The following DCBLD1 variants were observed in gnomAD, a reference collection of about 807,000 sequenced individuals.
DCBLD1 encodes discoidin, CUB and LCCL domain containing 1.
A neutral mutation model predicts 71.5 loss-of-function variants in DCBLD1; 57 were observed. That is an observed-to-expected ratio of 0.80 (90% CI 0.64 to 0.99). DCBLD1 has a LOEUF of 0.99. Among genes scored for constraint, DCBLD1 ranks in the 50% least tolerant of loss-of-function variants. The probability of loss-of-function intolerance (pLI) is 0.00; values close to 1 mark genes in which losing one functional copy is unlikely to be tolerated. For synonymous variants in DCBLD1, 380 were observed against 363.8 expected (o/e 1.04, Z -0.51); for missense variants, 891 against 923.5 (o/e 0.96, Z 0.46).
At chr6:117,523,445 T>C (rs2114498071) in intron 4 of DCBLD1, among the ~76,000 whole-genome samples, 1 of 152,348 alleles carries the variant, frequency 6.6e-6, no homozygotes, top group East Asian at 1.9e-4. Context: ...TTAATATGAT[T>C]ATTAAGGCAT....
chr6:117,537,270 C>A (rs375834829), intron 7 of DCBLD1, 45 bp downstream of exon 7: 1 of 1,592,758 alleles, frequency 6.3e-7, no homozygotes, highest in African/African-American at 1.3e-5. Flanking sequence ...TTCGGTGGCT[C>A]ACGCCTATAA....
At chr6:117,492,441 G>A (rs1289005012) in intron 1 of DCBLD1, among the ~76,000 whole-genome samples, 8 of 152,130 alleles carry the variant, frequency 5.3e-5, no homozygotes, top group Admixed American at 5.2e-4. Flanking sequence ...CCTGCCCTTT[G>A]TCTCCAAGGA....
At chr6:117,536,282 T>A (rs1778878953) in intron 6 of DCBLD1, among the ~76,000 whole-genome samples, 1 of 152,248 alleles carries the variant, frequency 6.6e-6, no homozygotes, top group Admixed American at 6.5e-5. Flanking sequence ...ATCTACCTTT[T>A]GGTGTTTACC....
chr6:117,544,525 T>C lies in DCBLD1; in HGVS notation c.1446-3T>C. 1 of 1,613,596 alleles carries C rather than the reference T, an allele frequency of 6.2e-7. No individual in the cohort carries two copies. Among genetic ancestry groups the C allele is most frequent in the Non-Finnish European group, 8.5e-7 (1 of 1,179,900 alleles). On this transcript the variant is annotated splice_region_variant and splice_polypyrimidine_tract_variant and intron_variant, in intron 12 of 14. Transcript: ENST00000338728. ...TATTCAGTAGGACTTTTTGTCTTGA[T>C]AGGAAGAAGAAGAAAGGAAGTCCGT...
At chr6:117,563,410 A>C (rs1257315316) in intron 14 of DCBLD1, 1 of 1,610,464 alleles carries the variant, frequency 6.2e-7, no homozygotes, top group Non-Finnish European at 8.5e-7. Flanking sequence ...AAAAAAAAGC[A>C]GACACTTTCT....
At chr6:117,560,209 A>C in intron 14 of DCBLD1, 1 of 165,198 alleles carries the variant, frequency 6.1e-6, no homozygotes, top group Non-Finnish European at 1.3e-5. Flanking sequence ...CTTTGCACAG[A>C]CTTTATGACA....
At chr6:117,498,921 A>G (rs2114404430) in intron 1 of DCBLD1, among the ~76,000 whole-genome samples, 1 of 152,260 alleles carries the variant, frequency 6.6e-6, no homozygotes, top group East Asian at 1.9e-4. Flanking sequence ...AAAAGATTTT[A>G]TAAGGTTGGT....
At chr6:117,546,658 T>C (rs763036213) in intron 14 of DCBLD1, among the ~76,000 whole-genome samples, 2 of 152,124 alleles carry the variant, frequency 1.3e-5, no homozygotes, top group Non-Finnish European at 2.9e-5. Context: ...CTCAGGCTCC[T>C]TAAATGTGCA....
intron 4 of DCBLD1, 78 bp from the exon 5 acceptor site, chr6:117,525,284 T>G (rs1243840369): frequency 2.6e-6 from 3 of 1,148,442 alleles, no homozygotes; most frequent in Non-Finnish European, 3.4e-6. Context: ...AGAAAATACT[T>G]TAAAAATTTA....
intron 14 of DCBLD1, chr6:117,562,554 T>C (rs1195165733): frequency 9.8e-6 from 2 of 203,248 alleles, no homozygotes; most frequent in East Asian, 1.5e-4. Context: ...CTCATCTGCA[T>C]TTCTTTTAAA....
At chr6:117,569,519 T>C (rs1448145176) in intron 14 of DCBLD1, 7 of 1,596,352 alleles carry the variant, frequency 4.4e-6, no homozygotes, top group African/African-American at 2.7e-5. Context: ...CAGTGTTCAA[T>C]AGATTCATAA....
At chr6:117,540,860 T>C in intron 10 of DCBLD1, 45 bp downstream of exon 10, 1 of 1,611,124 alleles carries the variant, frequency 6.2e-7, no homozygotes, top group South Asian at 1.1e-5. Context: ...TTTGGTCATA[T>C]TTTTTTTCGC....
At position 117,548,576 on chromosome 6, in the gene DCBLD1, A is replaced by T; in HGVS notation, c.*137A>T. The stretch of plus-strand genomic sequence containing the variant: ...CTTGCATGTGTGTGTGTGATCCAGT[A>T]GGATCCTAGAGACAACCTGTCATAC... On this transcript the variant is annotated 3_prime_UTR_variant, in exon 15 of 15. Transcript: ENST00000338728. 2.7e-6 allele frequency: 4 copies of T among 1,458,042 alleles called. No homozygotes were observed. Among genetic ancestry groups the T allele is most frequent in the Non-Finnish European group, 3.6e-6 (4 of 1,110,322 alleles). 90.3% of individuals were successfully genotyped at this position (1,458,042 alleles called of 1,614,324 possible). A position where few individuals can be genotyped will look rare whatever the true frequency, so the allele number is the denominator to read the frequency against.
rs532948543 is a variant in DCBLD1, at chr6:117,500,802, G to A, written c.113-2965G>A. Among the ~76,000 whole-genome samples, 20 of 152,308 alleles carry A rather than the reference G, an allele frequency of 1.3e-4. No individual in the cohort carries two copies. In the East Asian group the frequency reaches 3.9e-3, roughly 29 times the overall value. On this transcript the variant is annotated intron_variant, in intron 1 of 14. Transcript: ENST00000338728. ...CGCTTGAACCCAGGAGGCAGAGGCT[G>A]CAGTAAGCCAAGATCCTGCCACTGC...
intron 6 of DCBLD1, among the ~76,000 whole-genome samples, chr6:117,536,782 C>T (rs933488979): frequency 5.9e-5 from 9 of 152,206 alleles, no homozygotes; most frequent in African/African-American, 2.2e-4. Context: ...AGGGAGATTT[C>T]AGGGCAGTAA....
At position 117,504,455 on chromosome 6, in the gene DCBLD1, A is replaced by C. The variant is rs79908488; in HGVS notation, c.325+476A>C. Reference sequence around the variant, plus strand: ...TGAGAGATGGTGAGAAAGAAAAGGAATAATGAAAACGAAGGCATCCAAAGG... The same window carrying C: ...TGAGAGATGGTGAGAAAGAAAAGGACTAATGAAAACGAAGGCATCCAAAGG... On this transcript the variant is annotated intron_variant, in intron 2 of 14. Coordinates refer to ENST00000338728, the MANE Select transcript of DCBLD1 (RefSeq NM_001366458.2). Among the ~76,000 whole-genome samples, 618 of 152,324 alleles carry C rather than the reference A, an allele frequency of 4.1e-3. 12 individuals carry two copies. The East Asian group carries it at 0.045, about 11-fold the overall frequency.
intron 3 of DCBLD1, 48 bp from the exon 4 acceptor site, chr6:117,521,477 C>A: frequency 6.9e-7 from 1 of 1,447,424 alleles, no homozygotes; most frequent in Non-Finnish European, 9.5e-7. Context: ...CATGAGTGTC[C>A]TAGTTTTTAT....
At chr6:117,495,122 G>T (rs1777427429) in intron 1 of DCBLD1, among the ~76,000 whole-genome samples, 1 of 152,094 alleles carries the variant, frequency 6.6e-6, no homozygotes, top group Admixed American at 6.6e-5. Context: ...TGCTGACATA[G>T]CAGTAAGTGG....
intron 1 of DCBLD1, among the ~76,000 whole-genome samples, chr6:117,483,144 A>T (rs1408689438): frequency 6.6e-6 from 1 of 151,888 alleles, no homozygotes; most frequent in Non-Finnish European, 1.5e-5. Flanking sequence ...AAAACCAGAG[A>T]ATTAACCTGG....
Sources: gnomAD v4.1 joint callset for allele counts (sites outside exome capture counted in the v4.1 genomes callset) on GRCh38, gnomAD v4.1.1 for gene constraint, MANE v1.5 for transcripts, NCBI Gene and HGNC (gene_info 2026-07-23, HGNC 2026-07-21) for gene names.